Variants in DLC1 observed in about 807,000 individuals in gnomAD.
DLC1 encodes DLC1 Rho GTPase activating protein.
A neutral mutation model predicts 140.3 loss-of-function variants in DLC1; 54 were observed. That is an observed-to-expected ratio of 0.38 (90% confidence interval 0.31 to 0.48). The LOEUF (loss-of-function observed/expected upper bound fraction) is 0.48, where lower values mean the gene tolerates loss of function less well. DLC1 is among the 20% of genes least tolerant of loss of function. The pLI, the probability that DLC1 is intolerant of heterozygous loss-of-function variation, is 0.96. For missense variants in DLC1, 2,536 were observed against 1,907.0 expected, an observed-to-expected ratio of 1.33 and a Z score of -6.14; for synonymous variants, 986 against 728.1, an observed-to-expected ratio of 1.35 and a Z score of -5.70.
intron 2 of DLC1, among the ~76,000 whole-genome samples, chr8:13,479,969 C>T (rs912455424): frequency 5.5e-5 from 7 of 128,348 alleles, no homozygotes; most frequent in Admixed American, 7.5e-5. Context: ...CAGAGGCTGA[C>T]GCATGAGGAT....
At chr8:13,601,671 A>G (rs559684772) in intron 1 of DLC1, among the ~76,000 whole-genome samples, 10 of 151,634 alleles carry the variant, frequency 6.6e-5, no homozygotes, top group African/African-American at 1.7e-4. Flanking sequence ...CAAAACAACA[A>G]CGACAACAAA....
rs1050342638 is a variant in DLC1 at position 13,368,780 on chromosome 8, A to G, written c.1314+24773T>C. On this transcript the variant is annotated intron_variant, in intron 4 of 17. Transcript: ENST00000276297. Reference sequence around the variant, plus strand: ...TTTCTTCCAAGTAAGGATAAGTGATATGGATGTTAGTGATGTTCTTCCTGC... The same window carrying G: ...TTTCTTCCAAGTAAGGATAAGTGATGTGGATGTTAGTGATGTTCTTCCTGC... Among the ~76,000 whole-genome samples the G allele has an allele frequency of 3.0e-4, 46 of 152,236 alleles. 1 individual carries two copies. Among genetic ancestry groups the G allele is most frequent in the African/African-American group, 1.1e-3 (45 of 41,556 alleles).
chr8:13,453,552 A>T (rs1177482714), intron 2 of DLC1, among the ~76,000 whole-genome samples: 2,116 of 75,692 alleles, frequency 0.028, 253 homozygotes, highest in African/African-American at 0.082. Flanking sequence ...ATATATATAT[A>T]TATATTTTTT....
At chr8:13,124,791 A>G (rs1480505383) in intron 5 of DLC1, among the ~76,000 whole-genome samples, 1 of 151,970 alleles carries the variant, frequency 6.6e-6, no homozygotes, top group Non-Finnish European at 1.5e-5. Flanking sequence ...CTCTAAGACC[A>G]CCTCTAGAAA....
chr8:13,365,558 A>C (rs143699825), intron 4 of DLC1, among the ~76,000 whole-genome samples: 1 of 152,128 alleles, frequency 6.6e-6, no homozygotes, highest in Non-Finnish European at 1.5e-5. Flanking sequence ...GATGTTACCA[A>C]TTTCTCTTTT....
At chr8:13,363,915 G>T (rs1472791308) in intron 4 of DLC1, among the ~76,000 whole-genome samples, 1 of 152,112 alleles carries the variant, frequency 6.6e-6, no homozygotes, top group Non-Finnish European at 1.5e-5. Context: ...CAGGTATAAA[G>T]GTACACACTC....
At chr8:13,492,239 A>G (rs995504666) in intron 2 of DLC1, among the ~76,000 whole-genome samples, 1 of 152,082 alleles carries the variant, frequency 6.6e-6, no homozygotes, top group Non-Finnish European at 1.5e-5. Context: ...GGCTCTGGTC[A>G]TCACCTGATG....
intron 5 of DLC1, among the ~76,000 whole-genome samples, chr8:13,292,667 C>T (rs1009440366): frequency 3.3e-5 from 5 of 151,976 alleles, no homozygotes; most frequent in East Asian, 1.9e-4. Context: ...CCACGTCCTA[C>T]GTACAAGTGT....
At chr8:13,269,903 A>C (rs900237497) in intron 5 of DLC1, among the ~76,000 whole-genome samples, 11 of 46,756 alleles carry the variant, frequency 2.4e-4, no homozygotes, top group Admixed American at 7.3e-4. Context: ...TAAAAATACA[A>C]AAAAAAAAAA....
At chr8:13,232,982 C>A (rs1440338280) in intron 5 of DLC1, among the ~76,000 whole-genome samples, 1 of 152,026 alleles carries the variant, frequency 6.6e-6, no homozygotes, top group African/African-American at 2.4e-5. Context: ...CAAAAGGAAT[C>A]ATTAAAAATG....
intron 4 of DLC1, among the ~76,000 whole-genome samples, chr8:13,387,044 TATTA>T (rs1439587683): frequency 1.3e-5 from 2 of 151,922 alleles, no homozygotes; most frequent in African/African-American, 4.8e-5. Flanking sequence ...TTAAAAACTG[TATTA>T]ATTCAAATTT....
chr8:13,289,244 C>G (rs988974010), intron 5 of DLC1, among the ~76,000 whole-genome samples: 5 of 152,120 alleles, frequency 3.3e-5, no homozygotes, highest in Non-Finnish European at 5.9e-5. Context: ...TTCTGTCACC[C>G]AGGCTGGCAT....
At chr8:13,426,055 C>G (rs1838560068) in intron 2 of DLC1, among the ~76,000 whole-genome samples, 1 of 152,132 alleles carries the variant, frequency 6.6e-6, no homozygotes, top group Admixed American at 6.5e-5. Flanking sequence ...TCAGGCAATC[C>G]TCCTGCCTTG....
rs547878087 is a variant in DLC1, at chr8:13,506,341, C to T, written c.-125-6145G>A. ...AACACATGATTGACTCTAGGATATT[C>T]TATTAAATATCCTGAATATTTAATG... On this transcript the variant is annotated intron_variant, in intron 1 of 17. Transcript: ENST00000276297. Among the ~76,000 whole-genome samples the T allele has an allele frequency of 2.4e-3, 365 of 151,712 alleles. 1 individual carries two copies. The highest frequency in any genetic ancestry group is 4.2e-3 in the Non-Finnish European group (285 of 67,906).
intron 2 of DLC1, among the ~76,000 whole-genome samples, chr8:13,444,057 C>G (rs1395055244): frequency 6.6e-6 from 1 of 151,982 alleles, no homozygotes; most frequent in African/African-American, 2.4e-5. Context: ...AAAAGTAAAG[C>G]AAAAATATTT....
chr8:13,325,893 G>A (rs1374236251), intron 4 of DLC1, among the ~76,000 whole-genome samples: 2 of 152,134 alleles, frequency 1.3e-5, no homozygotes, highest in African/African-American at 4.8e-5. Context: ...CTGTAACGAT[G>A]ATTTTCTATA....
At chr8:13,577,685 G>A (rs1804892518) in intron 1 of DLC1, among the ~76,000 whole-genome samples, 1 of 152,116 alleles carries the variant, frequency 6.6e-6, no homozygotes, top group South Asian at 2.1e-4. Context: ...TCCTGATTGA[G>A]TCAAATTATG....
rs532193780 is a variant in DLC1 at position 13,514,831 on chromosome 8, T to A, written c.-355A>T. ...TCCTGTCAAGGCATTCCTAGTGACTTCTGTCTACTAAATTCAGACTGAGGT... is the reference window on the plus strand; with the variant it reads ...TCCTGTCAAGGCATTCCTAGTGACTACTGTCTACTAAATTCAGACTGAGGT... On this transcript the variant is annotated 5_prime_UTR_variant, in exon 1 of 18. Coordinates refer to ENST00000276297, the MANE Select transcript of DLC1 (RefSeq NM_182643.3). 2 of 393,644 alleles carry A rather than the reference T, an allele frequency of 5.1e-6. No individual in the cohort carries two copies. Among genetic ancestry groups the A allele is most frequent in the Admixed American group, 8.8e-5 (2 of 22,620 alleles). 24.4% of individuals were successfully genotyped at this position (393,644 alleles called of 1,614,324 possible). A position where few individuals can be genotyped will look rare whatever the true frequency, so the allele number is the denominator to read the frequency against.
chr8:13,281,739 C>A (rs1831373154), intron 5 of DLC1, among the ~76,000 whole-genome samples: 1 of 152,102 alleles, frequency 6.6e-6, no homozygotes, highest in Non-Finnish European at 1.5e-5. Context: ...GAAGAGGCTG[C>A]AATAAAACAA....
Sources: gnomAD v4.1 joint callset for allele counts (sites outside exome capture counted in the v4.1 genomes callset) on GRCh38, gnomAD v4.1.1 for gene constraint, MANE v1.5 for transcripts, NCBI Gene and HGNC (gene_info 2026-07-23, HGNC 2026-07-21) for gene names.